The following FDPS variants were observed in gnomAD, a reference collection of about 807,000 sequenced individuals.
FDPS encodes the protein farnesyl pyrophosphate synthase.
FDPS carries 29 observed loss-of-function variants against 49.5 expected under a neutral mutation model. That is an observed-to-expected ratio of 0.59 (90% confidence interval 0.44 to 0.80). FDPS has a LOEUF of 0.80. FDPS is among the 30% of genes least tolerant of loss of function. The probability of loss-of-function intolerance (pLI) is 0.00; values close to 1 mark genes in which losing one functional copy is unlikely to be tolerated. For missense variants in FDPS, 414 were observed against 525.6 expected, an observed-to-expected ratio of 0.79 and a Z score of 2.08; for synonymous variants, 172 against 206.4, an observed-to-expected ratio of 0.83 and a Z score of 1.43.
At chr1:155,319,075 C>T in intron 8 of FDPS, 147 bp downstream of exon 8, 3 of 660,130 alleles carry the variant, frequency 4.5e-6, no homozygotes, top group South Asian at 1.8e-5. Context: ...CTTTCCTCAG[C>T]TGGGGATAAA....
chr1:155,318,811 ATGTGC>A lies in FDPS; in HGVS notation c.774-44_774-40del. 4 of 1,589,262 alleles carry A rather than the reference ATGTGC, an allele frequency of 2.5e-6. No individual in the cohort carries two copies. The highest frequency in any genetic ancestry group is 3.5e-6 in the Non-Finnish European group (4 of 1,157,402). Reference sequence around the variant, plus strand: ...TCTGGACAGCGAGGGAGGGCTCAGGATGTGCATTGCCCTCCTGAGGAGTTTCTCTT... The same window carrying A: ...TCTGGACAGCGAGGGAGGGCTCAGGAATTGCCCTCCTGAGGAGTTTCTCTT... On this transcript the variant is annotated intron_variant, in intron 7 of 10. Transcript: ENST00000368356. This position sits in a 1 kb window ranked among gnomAD's most constrained non-coding sequence, Gnocchi z 4.2.
chr1:155,312,782 C>A (rs1375807099), intron 4 of FDPS: 2 of 170,660 alleles, frequency 1.2e-5, no homozygotes, highest in Non-Finnish European at 2.5e-5. Context: ...GAGTTCGAGA[C>A]CAGCCTGACC....
intron 1 of FDPS, 58 bp from the exon 2 acceptor site, chr1:155,309,731 C>A: frequency 7.1e-7 from 1 of 1,411,490 alleles, no homozygotes; most frequent in Non-Finnish European, 9.4e-7. Context: ...CATGCCTCTG[C>A]CTTTGGTGCT....
intron 10 of FDPS, 102 bp from the exon 11 acceptor site, chr1:155,320,307 G>A (rs1650194034): frequency 3.2e-6 from 3 of 948,626 alleles, no homozygotes; most frequent in South Asian, 2.9e-5. Flanking sequence ...AGGAGTGGGT[G>A]GCTTTGGAGA....
At chr1:155,315,153 C>T (rs752878137) in intron 4 of FDPS, among the ~76,000 whole-genome samples, 10 of 152,228 alleles carry the variant, frequency 6.6e-5, no homozygotes, top group Non-Finnish European at 1.5e-4. Flanking sequence ...CCTTTCCCCA[C>T]GGCCCATGCT....
chr1:155,318,876 A>T lies in FDPS; in HGVS notation c.794A>T (p.Tyr265Phe). The T allele has an allele frequency of 6.2e-7, 1 of 1,613,758 alleles. No homozygotes were observed. Among genetic ancestry groups the T allele is most frequent in the Non-Finnish European group, 8.5e-7 (1 of 1,179,644 alleles). Residue 265 changes from tyrosine (Y) to phenylalanine (F), a missense_variant, in exon 8 of 11, where the codon TAC (tyrosine) becomes TTC (phenylalanine). Tyr to Phe is a conservative substitution (Grantham distance 22). Transcript: ENST00000368356. This position sits in a 1 kb window ranked among gnomAD's most constrained non-coding sequence, Gnocchi z 4.2. ...CTCAGGTACAAATCTATTGTCAAGT[A>T]CAAGACAGCTTTCTACTCCTTCTAC... Reference protein sequence around the residue: ...TEKRYKSIVKYKTAFYSFYLP... With the variant: ...TEKRYKSIVKFKTAFYSFYLP...
At chr1:155,320,075 C>T (rs1650134129) in intron 10 of FDPS, 147 bp downstream of exon 10, 4 of 917,190 alleles carry the variant, frequency 4.4e-6, no homozygotes, top group Non-Finnish European at 6.7e-6. Context: ...TGTGTGTGTG[C>T]ATGTGGTACA....
intron 3 of FDPS, 185 bp downstream of exon 3, chr1:155,310,390 A>C: frequency 1.7e-6 from 1 of 576,328 alleles, no homozygotes; most frequent in South Asian, 2.2e-5. Context: ...GGCTTGCTGC[A>C]ACCTCCACCT....
chr1:155,318,951 C>G lies in FDPS; in HGVS notation c.846+23C>G. The G allele has an allele frequency of 6.5e-7, 1 of 1,548,066 alleles. No homozygotes were observed. The highest frequency in any genetic ancestry group is 8.9e-7 in the Non-Finnish European group (1 of 1,120,642). On this transcript the variant is annotated intron_variant, in intron 8 of 10. Coordinates refer to ENST00000368356, the MANE Select transcript of FDPS (RefSeq NM_002004.4). This position sits in a 1 kb window ranked among gnomAD's most constrained non-coding sequence, Gnocchi z 4.2. ...ATGGTGAGTGAGCCTCCTCACCCCT[C>G]TCTGCTCTGCTGATGGGGGCTTTTG...
intron 4 of FDPS, among the ~76,000 whole-genome samples, chr1:155,313,178 G>A (rs529845351): frequency 4.6e-5 from 7 of 152,138 alleles, no homozygotes; most frequent in African/African-American, 1.2e-4. Flanking sequence ...CCATGTTCCC[G>A]CATAGCAACA....
rs747562922 is a variant in FDPS, at chr1:155,318,827, TGAG to T, written c.774-25_774-23del. 2 of 1,600,688 alleles carry T rather than the reference TGAG, an allele frequency of 1.2e-6. No individual in the cohort carries two copies. Among genetic ancestry groups the T allele is most frequent in the African/African-American group, 2.7e-5 (2 of 74,758 alleles). On this transcript the variant is annotated intron_variant, in intron 7 of 10. Coordinates refer to ENST00000368356, the MANE Select transcript of FDPS (RefSeq NM_002004.4). The surrounding 1 kb of genome is among the most constrained non-coding windows in gnomAD (Gnocchi z 4.2). Reference sequence around the variant, plus strand: ...GGGCTCAGGATGTGCATTGCCCTCCTGAGGAGTTTCTCTTCTCCCCTTACTCAG... The same window carrying T: ...GGGCTCAGGATGTGCATTGCCCTCCTGAGTTTCTCTTCTCCCCTTACTCAG...
intron 1 of FDPS, 107 bp from the exon 2 acceptor site, chr1:155,309,682 G>T (rs1211493575): frequency 7.8e-6 from 8 of 1,027,742 alleles, no homozygotes; most frequent in Non-Finnish European, 1.1e-5. Context: ...GGGCACTCTG[G>T]GCTAAGGCTG....
chr1:155,309,869 T>TG lies in FDPS; in HGVS notation c.83dup (p.Ser29PhefsTer64), dbSNP rs767510980. ...TACTGGGCACCCCGGGAGAGGTGGC[T>TG]GGGTTCCCTACGGCGGCCCTCCCTG... On this transcript the variant is annotated frameshift_variant, in exon 2 of 11. Transcript: ENST00000368356. LOFTEE classifies it high-confidence loss of function. The TG allele has an allele frequency of 6.3e-7, 1 of 1,590,088 alleles. No individual in the cohort carries two copies. The highest frequency in any genetic ancestry group is 1.1e-5 in the South Asian group (1 of 88,598).
intron 4 of FDPS, among the ~76,000 whole-genome samples, chr1:155,315,993 A>G (rs576125214): frequency 1.3e-5 from 2 of 152,228 alleles, no homozygotes; most frequent in African/African-American, 4.8e-5. Flanking sequence ...ATTGGCTCAC[A>G]CTTAAAATCC....
chr1:155,315,714 A>C (rs1048295649), intron 4 of FDPS, among the ~76,000 whole-genome samples: 5 of 151,658 alleles, frequency 3.3e-5, no homozygotes, highest in African/African-American at 4.8e-5. Flanking sequence ...AAACAAAAAA[A>C]AAATTAGCCA....
At chr1:155,317,866 A>T in intron 4 of FDPS, 75 bp from the exon 5 acceptor site, 1 of 1,344,888 alleles carries the variant, frequency 7.4e-7, no homozygotes. Flanking sequence ...ATATACAGAT[A>T]TAAAGTAGCA....
At chr1:155,310,829 A>G (rs182466771) in intron 3 of FDPS, among the ~76,000 whole-genome samples, 2 of 152,282 alleles carry the variant, frequency 1.3e-5, no homozygotes. Flanking sequence ...GGAAGAAGGC[A>G]GTCTGATATT....
intron 1 of FDPS, 114 bp from the exon 2 acceptor site, chr1:155,309,675 C>T (rs944716958): frequency 2.2e-6 from 2 of 906,982 alleles, no homozygotes; most frequent in African/African-American, 3.3e-5. Flanking sequence ...GAGGGAGGGG[C>T]ACTCTGGGCT....
chr1:155,312,921 A>G (rs1648949041), intron 4 of FDPS: 1 of 147,566 alleles, frequency 6.8e-6, no homozygotes, highest in African/African-American at 2.5e-5. Context: ...AGAGGTTGCG[A>G]TGAGCTGAGA....
Sources: allele counts gnomAD v4.1 joint callset (sites outside exome capture counted in the v4.1 genomes callset), GRCh38; gene constraint gnomAD v4.1.1; non-coding constraint Gnocchi (gnomAD v3.1); transcripts MANE v1.5; gene names NCBI Gene and HGNC (gene_info 2026-07-23, HGNC 2026-07-21).